ABAT: variants seen among roughly 807,000 people sequenced by gnomAD.
The protein encoded by ABAT is 4-aminobutyrate aminotransferase.
ABAT carries 45 observed loss-of-function variants against 64.6 expected under a neutral mutation model. The ratio of observed to expected loss-of-function variants is 0.70; its 90% CI spans 0.55 to 0.89. The LOEUF (loss-of-function observed/expected upper bound fraction) is 0.89. Ranked by LOEUF, ABAT falls within the 40% of genes least tolerant of loss-of-function variation. The pLI is 0.00. For synonymous variants in ABAT, 297 were observed against 250.5 expected (o/e 1.19, Z -1.75); for missense variants, 633 against 658.4 (o/e 0.96, Z 0.42).
chr16:8,699,257 TC>T, intron 1 of ABAT, among the ~76,000 whole-genome samples: 1 of 152,306 alleles, frequency 6.6e-6, no homozygotes, highest in Admixed American at 6.5e-5. Context: ...GTTGCGGCCA[TC>T]TTTGGAATGT....
intron 15 of ABAT, among the ~76,000 whole-genome samples, chr16:8,779,791 G>A (rs149892397): frequency 5.3e-5 from 8 of 152,248 alleles, no homozygotes; most frequent in East Asian, 1.9e-4. Flanking sequence ...CTCAACAAGC[G>A]TTCGCTGAGG....
At chr16:8,703,640 A>C (rs1254070733) in intron 1 of ABAT, among the ~76,000 whole-genome samples, 1 of 152,196 alleles carries the variant, frequency 6.6e-6, no homozygotes, top group Non-Finnish European at 1.5e-5. Context: ...TGAGGGCAAA[A>C]GTGGCCCTCT....
At chr16:8,682,104 C>T (rs557619702) in intron 1 of ABAT, among the ~76,000 whole-genome samples, 2 of 151,870 alleles carry the variant, frequency 1.3e-5, no homozygotes, top group South Asian at 4.2e-4. Context: ...ACAAGATTGC[C>T]CCTGGTTGAG....
chr16:8,698,981 G>C (rs1156602680), intron 1 of ABAT, among the ~76,000 whole-genome samples: 1 of 152,048 alleles, frequency 6.6e-6, no homozygotes, highest in African/African-American at 2.4e-5. Context: ...AATAAGTAGT[G>C]CTGCAACGAA....
chr16:8,774,995 A>G lies in ABAT; in HGVS notation c.1060A>G (p.Thr354Ala). ...WGLDDPADVM[T>A]FSKKMMTGGF... ...CCTGGATGACCCAGCAGACGTGATG[A>G]CCTTCAGCAAGAAGATGATGACTGG... The change falls in exon 13 of 16, where the codon ACC (threonine) becomes GCC (alanine). Residue 354 changes from threonine (T) to alanine (A), a missense_variant. Transcript: ENST00000268251. 1 of 1,614,174 alleles carries G rather than the reference A, an allele frequency of 6.2e-7. No homozygotes were observed. Among genetic ancestry groups the G allele is most frequent in the Non-Finnish European group, 8.5e-7 (1 of 1,180,032 alleles).
intron 2 of ABAT, chr16:8,736,031 T>C (rs115420659): frequency 5.5e-6 from 3 of 541,302 alleles, no homozygotes; most frequent in East Asian, 6.4e-5. Context: ...CAGTTTCATA[T>C]GGCTGGGGAG....
rs189057335 is a variant in ABAT at position 8,724,815 on chromosome 16, A to G, written c.-41-10884A>G. On this transcript the variant is annotated intron_variant, in intron 1 of 15. Coordinates refer to ENST00000268251, the MANE Select transcript of ABAT (RefSeq NM_020686.6). ...CACAGCCTGTAGCAGGTGGAAATTG[A>G]AGAATAAGTCTGTGTGATCAGAGTG... Among the ~76,000 whole-genome samples, 20 of 148,448 alleles carry G rather than the reference A, an allele frequency of 1.3e-4. No homozygotes were observed. In the East Asian group the frequency reaches 2.0e-3, roughly 15 times the overall value.
At chr16:8,678,276 C>G (rs1364998773) in intron 1 of ABAT, among the ~76,000 whole-genome samples, 1 of 152,150 alleles carries the variant, frequency 6.6e-6, no homozygotes, top group Non-Finnish European at 1.5e-5. Context: ...AACTCCTAGG[C>G]TTAAGCGATC....
intron 1 of ABAT, among the ~76,000 whole-genome samples, chr16:8,733,881 C>G (rs1261472431): frequency 6.6e-6 from 1 of 152,226 alleles, no homozygotes; most frequent in Non-Finnish European, 1.5e-5. Context: ...TGACAGGAAT[C>G]ATGCAGTATC....
At chr16:8,691,374 T>C (rs2057577349) in intron 1 of ABAT, among the ~76,000 whole-genome samples, 1 of 152,132 alleles carries the variant, frequency 6.6e-6, no homozygotes, top group Non-Finnish European at 1.5e-5. Context: ...ATACATCACA[T>C]TGGAGCAGAT....
Position 8,781,162 on chromosome 16 carries a change from G to A in ABAT, c.1382-147G>A. ...AGACTGGATGGGTGGGTGGTAGGAAGGAAGCCCGGGCTTCCATGATGGAGG... is the reference window on the plus strand; with the variant it reads ...AGACTGGATGGGTGGGTGGTAGGAAAGAAGCCCGGGCTTCCATGATGGAGG... On this transcript the variant is annotated intron_variant, in intron 15 of 15. Transcript: ENST00000268251. The surrounding 1 kb of genome is among the most constrained non-coding windows in gnomAD (Gnocchi z 4.5). 7.8e-7 allele frequency: 1 copy of A among 1,285,824 alleles called. No homozygotes were observed. Among genetic ancestry groups the A allele is most frequent in the Non-Finnish European group, 1.1e-6 (1 of 890,146 alleles). The allele number at this position is 1,285,824 out of a possible 1,614,324, so 79.7% of individuals were successfully genotyped here.
intron 1 of ABAT, among the ~76,000 whole-genome samples, chr16:8,685,145 G>C (rs1014065496): frequency 2.0e-5 from 3 of 151,570 alleles, no homozygotes; most frequent in Non-Finnish European, 4.4e-5. Flanking sequence ...AATTGGTCAA[G>C]CATGGTGGTG....
rs546790461 is a variant in ABAT at position 8,751,972 on chromosome 16, CTG to C, written c.316+1437_316+1438del. Among the ~76,000 whole-genome samples the C allele has an allele frequency of 6.0e-4, 91 of 152,350 alleles. 1 individual carries two copies. Among genetic ancestry groups the C allele is most frequent in the Admixed American group, 5.1e-3 (78 of 15,312 alleles). ...CTGGCTACATTGAGTAGTCCATAGG[CTG>C]TGTCTGATGAAGCCTGTCCCTTCAC... On this transcript the variant is annotated intron_variant, in intron 5 of 15. Transcript: ENST00000268251.
Position 8,776,264 on chromosome 16 carries a change from G to A in ABAT, c.1123-80G>A, listed in dbSNP as rs2060260614. The A allele has an allele frequency of 3.1e-6, 5 of 1,598,218 alleles. No individual in the cohort carries two copies. Among genetic ancestry groups the A allele is most frequent in the Non-Finnish European group, 4.3e-6 (5 of 1,168,500 alleles). ...TTAGTTTCTCTCCTCTTCAAGAGAG[G>A]AGGCGGGGCGCCTGGGGTAAGTGAC... On this transcript the variant is annotated intron_variant, in intron 13 of 15. Coordinates refer to ENST00000268251, the MANE Select transcript of ABAT (RefSeq NM_020686.6). This position sits in a 1 kb window ranked among gnomAD's most constrained non-coding sequence, Gnocchi z 4.4.
Position 8,764,185 on chromosome 16 carries a change from C to A in ABAT, c.447+36C>A. ...GAGAAGCAATCCCATTGTCTTCAGA[C>A]GTGGTACTGGCAGGGGAAGGGAAAA... is the stretch of plus-strand genomic sequence containing the variant. On this transcript the variant is annotated intron_variant, in intron 7 of 15. Coordinates refer to ENST00000268251, the MANE Select transcript of ABAT (RefSeq NM_020686.6). This position sits in a 1 kb window ranked among gnomAD's most constrained non-coding sequence, Gnocchi z 4.2. The A allele has an allele frequency of 6.4e-7, 1 of 1,561,030 alleles. No homozygotes were observed. Among genetic ancestry groups the A allele is most frequent in the Non-Finnish European group, 8.8e-7 (1 of 1,133,534 alleles).
At chr16:8,772,996 C>T (rs566464648) in intron 12 of ABAT, 79 bp downstream of exon 12, 1 of 1,592,398 alleles carries the variant, frequency 6.3e-7, no homozygotes, top group East Asian at 2.2e-5. Flanking sequence ...CCAGCAGCAC[C>T]TCTGCCTTGG....
At position 8,746,207 on chromosome 16, in the gene ABAT, G is replaced by A. The variant is rs2059324088; in HGVS notation, c.168+109G>A. On this transcript the variant is annotated intron_variant, in intron 3 of 15. Coordinates refer to ENST00000268251, the MANE Select transcript of ABAT (RefSeq NM_020686.6). ...CTGTATTGATTGTCAGCTGCTTTCA[G>A]AGAGTTCACCACCAGAGATCTGAGA... 4.7e-5 allele frequency: 40 copies of A among 843,394 alleles called. No homozygotes were observed. The South Asian group carries it at 5.5e-4, about 12-fold the overall frequency. 52.2% of individuals were successfully genotyped at this position (843,394 alleles called of 1,614,324 possible).
At position 8,722,242 on chromosome 16, in the gene ABAT, C is replaced by A. The variant is rs544824042; in HGVS notation, c.-41-13457C>A. 1.2e-4 allele frequency among the ~76,000 whole-genome samples: 18 copies of A among 152,318 alleles called. No homozygotes were observed. In the East Asian group the frequency reaches 2.3e-3, roughly 20 times the overall value. ...TAACTTGCTTTGATTTTATTATGTT[C>A]TTTTCCTAGTTGCCTTCGTAGCAAA... On this transcript the variant is annotated intron_variant, in intron 1 of 15. Transcript: ENST00000268251.
rs539895058 is a variant in ABAT at position 8,724,632 on chromosome 16, A to T, written c.-41-11067A>T. Among the ~76,000 whole-genome samples the T allele has an allele frequency of 3.4e-5, 5 of 148,084 alleles. No individual in the cohort carries two copies. In the South Asian group the frequency reaches 1.1e-3, roughly 33 times the overall value. On this transcript the variant is annotated intron_variant, in intron 1 of 15. Transcript: ENST00000268251. ...GTGCTTATAGTCCCAGCTACTCGGT[A>T]GGCTGAGATGGGAGGATCACTTGAG...
Sources: gnomAD v4.1 joint callset for allele counts (sites outside exome capture counted in the v4.1 genomes callset) on GRCh38, gnomAD v4.1.1 for gene constraint, Gnocchi (gnomAD v3.1) non-coding constraint, MANE v1.5 for transcripts, NCBI Gene and HGNC (gene_info 2026-07-23, HGNC 2026-07-21) for gene names.